MYLK4: variants seen among roughly 807,000 people sequenced by gnomAD.
MYLK4 encodes caMLCK like.
MYLK4 carries 46 observed loss-of-function variants against 48.1 expected under a neutral mutation model. That is an observed-to-expected ratio of 0.96 (90% confidence interval 0.75 to 1.22). MYLK4 has a LOEUF of 1.22. Ranked by LOEUF, MYLK4 falls within the 50% of genes most tolerant of loss-of-function variation. The pLI is 0.00. For missense variants in MYLK4, 451 were observed against 486.1 expected, an observed-to-expected ratio of 0.93 and a Z score of 0.68; for synonymous variants, 170 against 180.8, an observed-to-expected ratio of 0.94 and a Z score of 0.48.
intron 10 of MYLK4, among the ~76,000 whole-genome samples, chr6:2,676,547 T>C (rs1761089217): frequency 6.6e-6 from 1 of 152,236 alleles, no homozygotes; most frequent in Admixed American, 6.5e-5. Context: ...CTTAATAACA[T>C]TTCAAGTTTA....
intron 2 of MYLK4, among the ~76,000 whole-genome samples, chr6:2,715,295 T>C (rs1001918177): frequency 6.6e-6 from 1 of 152,072 alleles, no homozygotes; most frequent in Admixed American, 6.5e-5. Flanking sequence ...GTTGCAGTTT[T>C]GTAGGAAGAA....
chr6:2,686,914 G>C (rs946240908), intron 4 of MYLK4, among the ~76,000 whole-genome samples: 2 of 152,178 alleles, frequency 1.3e-5, no homozygotes, highest in African/African-American at 2.4e-5. Context: ...AGAACCTCCT[G>C]AGCCAGCAGT....
chr6:2,691,519 CTA>C (rs1461295896), intron 3 of MYLK4, among the ~76,000 whole-genome samples: 3 of 152,126 alleles, frequency 2.0e-5, no homozygotes, highest in Non-Finnish European at 4.4e-5. Context: ...ATTCAATAAT[CTA>C]TGTCTTACTT....
intron 12 of MYLK4, among the ~76,000 whole-genome samples, chr6:2,668,503 C>T (rs1760750786): frequency 6.6e-6 from 1 of 152,152 alleles, no homozygotes; most frequent in African/African-American, 2.4e-5. Flanking sequence ...TTGTAGGAGA[C>T]ATATATGCCT....
At chr6:2,749,010 T>C (rs1283602183) in intron 2 of MYLK4, 126 bp downstream of exon 2, 2 of 845,350 alleles carry the variant, frequency 2.4e-6, no homozygotes, top group Non-Finnish European at 3.7e-6. Context: ...CAATTCTCAC[T>C]GAAGCAAAGT....
chr6:2,768,883 G>T, the MYLK4 span: 1 of 1,605,248 alleles, frequency 6.2e-7, no homozygotes, highest in Non-Finnish European at 8.5e-7. Context: ...ATCTCAGCAG[G>T]TATATTAACT....
At chr6:2,770,050 C>CA in the MYLK4 span, 1 of 1,594,126 alleles carries the variant, frequency 6.3e-7, no homozygotes, top group Non-Finnish European at 8.6e-7. Context: ...AAGGGATAGC[C>CA]AACTTACATA....
the MYLK4 span, chr6:2,768,863 G>T: frequency 2.5e-6 from 4 of 1,610,578 alleles, no homozygotes; most frequent in Non-Finnish European, 3.4e-6. Context: ...GAGATTCATC[G>T]GTTCAATAAA....
intron 2 of MYLK4, among the ~76,000 whole-genome samples, chr6:2,727,727 T>C (rs1763326460): frequency 6.6e-6 from 1 of 152,072 alleles, no homozygotes; most frequent in African/African-American, 2.4e-5. Flanking sequence ...GGTGGGCGGA[T>C]CACGAGGTCA....
intron 6 of MYLK4, among the ~76,000 whole-genome samples, chr6:2,683,392 TG>T (rs879533743): frequency 0.45 from 25,780 of 57,010 alleles, 4,102 homozygotes; most frequent in Middle Eastern, 0.55. Flanking sequence ...CCCACCTTTT[TG>T]TGTGTGTGTG....
At chr6:2,762,981 A>G in the MYLK4 span, among the ~76,000 whole-genome samples, 1 of 150,552 alleles carries the variant, frequency 6.6e-6, no homozygotes, top group African/African-American at 2.5e-5. Flanking sequence ...ATAAAAGAAC[A>G]AAACACCCAC....
chr6:2,739,605 T>C (rs1043877195), intron 2 of MYLK4, among the ~76,000 whole-genome samples: 4 of 152,184 alleles, frequency 2.6e-5, no homozygotes, highest in Admixed American at 2.6e-4. Context: ...TGGTATCCAA[T>C]TGAGCACATA....
intron 2 of MYLK4, among the ~76,000 whole-genome samples, chr6:2,714,356 C>T (rs187153467): frequency 2.0e-5 from 3 of 152,340 alleles, no homozygotes; most frequent in Admixed American, 2.0e-4. Flanking sequence ...CATTAACTCA[C>T]CCCTTAATTT....
At chr6:2,720,596 G>A (rs1763034501) in intron 2 of MYLK4, among the ~76,000 whole-genome samples, 1 of 151,978 alleles carries the variant, frequency 6.6e-6, no homozygotes, top group Non-Finnish European at 1.5e-5. Flanking sequence ...ATATCTTCAG[G>A]GAAATAAGAA....
chr6:2,753,245 C>A (rs1240560704), upstream of MYLK4, among the ~76,000 whole-genome samples: 3 of 152,170 alleles, frequency 2.0e-5, no homozygotes, highest in African/African-American at 7.2e-5. Context: ...GTCAAAGGAG[C>A]CACATGAAGA....
intron 2 of MYLK4, 34 bp downstream of exon 2, chr6:2,749,102 T>C (rs1428003889): frequency 6.3e-7 from 1 of 1,585,150 alleles, no homozygotes; most frequent in Non-Finnish European, 8.6e-7. Context: ...ATAGAATGAA[T>C]ACTTTTTAGG....
chr6:2,680,401 T>G (rs1761249464), intron 7 of MYLK4, 110 bp from the exon 8 acceptor site: 1 of 1,572,688 alleles, frequency 6.4e-7, no homozygotes, highest in African/African-American at 1.4e-5. Context: ...ATATCAGGCC[T>G]TTCACTTCGG....
chr6:2,730,381 G>C (rs1763436306), intron 2 of MYLK4, among the ~76,000 whole-genome samples: 1 of 152,204 alleles, frequency 6.6e-6, no homozygotes, highest in Non-Finnish European at 1.5e-5. Flanking sequence ...GCAGAAACAG[G>C]GGCAAGTGGT....
Position 2,664,062 on chromosome 6 carries a change from T to A in MYLK4, c.*3863A>T, listed in dbSNP as rs1411567689. 1 of 152,170 alleles carries A rather than the reference T, an allele frequency of 6.6e-6. No individual in the cohort carries two copies. The highest frequency in any genetic ancestry group is 2.4e-5 in the African/African-American group (1 of 41,428). 9.4% of individuals were successfully genotyped at this position (152,170 alleles called of 1,614,324 possible). A position where few individuals can be genotyped will look rare whatever the true frequency, so the allele number is the denominator to read the frequency against. On this transcript the variant is annotated 3_prime_UTR_variant, in exon 13 of 13. Coordinates refer to ENST00000274643, the MANE Select transcript of MYLK4 (RefSeq NM_001012418.5). ...GAGAAACTGCAGACTCCAAGCTATG[T>A]GAGGAAGTCATCTTAATCCAGGAAC...
Sources: gnomAD v4.1 joint callset for allele counts (sites outside exome capture counted in the v4.1 genomes callset) on GRCh38, gnomAD v4.1.1 for gene constraint, MANE v1.5 for transcripts, NCBI Gene and HGNC (gene_info 2026-07-23, HGNC 2026-07-21) for gene names.